The following LRMDA variants were observed in gnomAD, a reference collection of about 807,000 sequenced individuals.
The protein encoded by LRMDA is leucine-rich melanocyte differentiation-associated protein.
LRMDA carries 18 observed loss-of-function variants against 29.8 expected under a neutral mutation model. That is an observed-to-expected ratio of 0.60 (90% CI 0.42 to 0.90). LRMDA has a LOEUF of 0.90. LRMDA is among the 40% of genes least tolerant of loss of function. The pLI, the probability that LRMDA is intolerant of heterozygous loss-of-function variation, is 0.00. For missense variants in LRMDA, 273 were observed against 273.9 expected (o/e 1.00, Z 0.02); for synonymous variants, 125 against 109.4 (o/e 1.14, Z -0.89).
intron 6 of LRMDA, among the ~76,000 whole-genome samples, chr10:76,465,452 G>A (rs914763184): frequency 2.0e-5 from 3 of 152,096 alleles, no homozygotes; most frequent in Admixed American, 6.5e-5. Flanking sequence ...GTAGCTATTT[G>A]TTCCCGAGAC....
chr10:75,981,270 T>A lies in LRMDA; in HGVS notation c.132-54738T>A, dbSNP rs1269641727. On this transcript the variant is annotated intron_variant, in intron 2 of 6. Coordinates refer to ENST00000611255, the MANE Select transcript of LRMDA (RefSeq NM_001305581.2). ...ATTTGTCTGACAATTGGAAGATATG[T>A]TTTCTGGGTTGTATCATTCATTCAT... Among the ~76,000 whole-genome samples the A allele has an allele frequency of 2.6e-5, 4 of 152,324 alleles. No homozygotes were observed. In the East Asian group the frequency reaches 7.7e-4, roughly 29 times the overall value.
intron 2 of LRMDA, among the ~76,000 whole-genome samples, chr10:75,439,902 G>A (rs1435642553): frequency 2.0e-5 from 3 of 152,186 alleles, no homozygotes; most frequent in East Asian, 1.9e-4. Context: ...TCCTTTCCTG[G>A]GCATGGAAGG....
intron 2 of LRMDA, among the ~76,000 whole-genome samples, chr10:75,522,223 T>A (rs949946012): frequency 6.6e-6 from 1 of 152,294 alleles, no homozygotes; most frequent in Non-Finnish European, 1.5e-5. Context: ...AGGTAGCAGG[T>A]GGAGACATTG....
At chr10:76,330,094 C>T (rs1840886398) in intron 6 of LRMDA, among the ~76,000 whole-genome samples, 1 of 152,184 alleles carries the variant, frequency 6.6e-6, no homozygotes, top group African/African-American at 2.4e-5. Context: ...AAGGAAGTTA[C>T]TTGATGACTA....
chr10:75,881,874 A>G (rs529127402), intron 2 of LRMDA, among the ~76,000 whole-genome samples: 12 of 152,356 alleles, frequency 7.9e-5, no homozygotes, highest in Admixed American at 2.6e-4. Context: ...CCAAACTTCC[A>G]AGAACCTAGA....
At chr10:75,891,162 C>T (rs1845483800) in intron 2 of LRMDA, among the ~76,000 whole-genome samples, 1 of 149,206 alleles carries the variant, frequency 6.7e-6, no homozygotes, top group Non-Finnish European at 1.5e-5. Flanking sequence ...TGTTGTGTAG[C>T]GTAGTGGCTG....
intron 5 of LRMDA, among the ~76,000 whole-genome samples, chr10:76,212,513 C>A (rs937933384): frequency 1.3e-5 from 2 of 151,974 alleles, no homozygotes; most frequent in Non-Finnish European, 1.5e-5. Context: ...CATTCACACC[C>A]CAATAAAAGT....
chr10:76,340,769 C>A (rs1046086380), intron 6 of LRMDA, among the ~76,000 whole-genome samples: 2 of 151,990 alleles, frequency 1.3e-5, no homozygotes, highest in East Asian at 3.9e-4. Context: ...ATGAGATATA[C>A]AACAACAACA....
intron 2 of LRMDA, among the ~76,000 whole-genome samples, chr10:75,969,181 A>G (rs1392562078): frequency 2.6e-5 from 4 of 152,266 alleles, no homozygotes; most frequent in African/African-American, 9.6e-5. Flanking sequence ...TAATATCTTT[A>G]GGGGAAAATC....
chr10:76,125,686 GT>G (rs1446143589), intron 5 of LRMDA, among the ~76,000 whole-genome samples: 2 of 152,164 alleles, frequency 1.3e-5, no homozygotes, highest in Non-Finnish European at 2.9e-5. Flanking sequence ...GCTGGAAGGG[GT>G]AGTCTGGGTT....
chr10:76,287,763 C>T (rs922438489), intron 5 of LRMDA, among the ~76,000 whole-genome samples: 1 of 152,140 alleles, frequency 6.6e-6, no homozygotes, highest in Non-Finnish European at 1.5e-5. Context: ...GTTCCATAAA[C>T]TCTGTAAAAA....
At chr10:75,813,762 C>T (rs1266606826) in intron 2 of LRMDA, among the ~76,000 whole-genome samples, 1 of 152,158 alleles carries the variant, frequency 6.6e-6, no homozygotes, top group African/African-American at 2.4e-5. Context: ...CTGTTGAAAG[C>T]TCTTGGTTGG....
chr10:76,010,314 C>CTTTT (rs71024580), intron 2 of LRMDA, among the ~76,000 whole-genome samples: 1 of 138,888 alleles, frequency 7.2e-6, no homozygotes. Context: ...AATTTATATC[C>CTTTT]TTTTTTTTTT....
At chr10:75,481,375 G>T (rs1465418834) in intron 2 of LRMDA, among the ~76,000 whole-genome samples, 2 of 152,118 alleles carry the variant, frequency 1.3e-5, no homozygotes, top group Non-Finnish European at 2.9e-5. Flanking sequence ...GTTCATTAAG[G>T]TCACATGCTG....
intron 2 of LRMDA, among the ~76,000 whole-genome samples, chr10:75,672,613 G>A (rs1327151617): frequency 9.4e-6 from 1 of 106,618 alleles, no homozygotes; most frequent in Non-Finnish European, 1.8e-5. Flanking sequence ...TTTAGACAGC[G>A]TCTCACTCTG....
At chr10:75,559,060 C>G (rs1840255771) in intron 2 of LRMDA, among the ~76,000 whole-genome samples, 1 of 150,794 alleles carries the variant, frequency 6.6e-6, no homozygotes, top group African/African-American at 2.4e-5. Context: ...AATGAGATGG[C>G]TGGGTCAAAT....
intron 6 of LRMDA, among the ~76,000 whole-genome samples, chr10:76,429,224 GATGTCATGGACTTA>G (rs1842164429): frequency 6.6e-6 from 1 of 151,876 alleles, no homozygotes. Flanking sequence ...AAAAACTCAT[GATGTCATGGACTTA>G]GCTCACCTTT....
chr10:76,178,176 G>GC (rs1160459836), intron 5 of LRMDA, among the ~76,000 whole-genome samples: 3 of 152,190 alleles, frequency 2.0e-5, no homozygotes, highest in Non-Finnish European at 4.4e-5. Context: ...TGTTTTCACA[G>GC]CCCTCAGGGC....
intron 6 of LRMDA, among the ~76,000 whole-genome samples, chr10:76,373,880 G>A (rs1359651524): frequency 6.6e-6 from 1 of 152,140 alleles, no homozygotes; most frequent in Non-Finnish European, 1.5e-5. Context: ...GACTGTCCTG[G>A]CTTTAGTACT....
Sources: gnomAD v4.1 joint callset for allele counts (sites outside exome capture counted in the v4.1 genomes callset) on GRCh38, gnomAD v4.1.1 for gene constraint, MANE v1.5 for transcripts, NCBI Gene and HGNC (gene_info 2026-07-23, HGNC 2026-07-21) for gene names.